NELL1: variants seen among roughly 807,000 people sequenced by gnomAD.
The protein encoded by NELL1 is neural EGFL like 1, also known as protein kinase C-binding protein NELL1.
NELL1 carries 76 observed loss-of-function variants against 107.4 expected under a neutral mutation model. The ratio of observed to expected loss-of-function variants is 0.71; its 90% CI spans 0.59 to 0.86. The LOEUF (loss-of-function observed/expected upper bound fraction) is 0.86, where lower values mean the gene tolerates loss of function less well. Among genes scored for constraint, NELL1 ranks in the 40% least tolerant of loss-of-function variants. The probability of loss-of-function intolerance (pLI) is 0.00; values close to 1 mark genes in which losing one functional copy is unlikely to be tolerated. For synonymous variants in NELL1, 353 were observed against 341.2 expected, an observed-to-expected ratio of 1.03 and a Z score of -0.38; for missense variants, 1,024 against 1,005.5, an observed-to-expected ratio of 1.02 and a Z score of -0.25.
intron 12 of NELL1, among the ~76,000 whole-genome samples, chr11:20,970,035 T>C (rs996494600): frequency 8.6e-6 from 1 of 116,480 alleles, no homozygotes; most frequent in Non-Finnish European, 1.8e-5. Flanking sequence ...CGTATATAAA[T>C]ATCTAATCTA....
intron 2 of NELL1, among the ~76,000 whole-genome samples, chr11:20,706,405 A>T (rs1008684135): frequency 4.6e-5 from 7 of 151,982 alleles, no homozygotes; most frequent in African/African-American, 1.7e-4. Context: ...ATTCTCAGCA[A>T]ACTATCACAA....
intron 15 of NELL1, among the ~76,000 whole-genome samples, chr11:21,516,088 A>T (rs1424642964): frequency 6.6e-6 from 1 of 152,184 alleles, no homozygotes; most frequent in Non-Finnish European, 1.5e-5. Context: ...GAAAGGGGCA[A>T]CTTTGCTTAT....
chr11:20,909,100 C>T (rs1333900217), intron 5 of NELL1, among the ~76,000 whole-genome samples: 4 of 152,062 alleles, frequency 2.6e-5, no homozygotes, highest in Admixed American at 6.6e-5. Context: ...TCTTTAATTC[C>T]ACTTATATGA....
intron 15 of NELL1, among the ~76,000 whole-genome samples, chr11:21,459,051 G>T (rs1853826418): frequency 6.6e-6 from 1 of 152,120 alleles, no homozygotes; most frequent in Non-Finnish European, 1.5e-5. Flanking sequence ...CTAGAAAATG[G>T]TGGATGTGAG....
chr11:21,086,865 T>C (rs575847495), intron 12 of NELL1, among the ~76,000 whole-genome samples: 1 of 133,726 alleles, frequency 7.5e-6, no homozygotes, highest in African/African-American at 2.8e-5. Flanking sequence ...GGAGTCTCAC[T>C]CTGTCGCCCA....
At chr11:21,304,568 G>T (rs74333131) in intron 14 of NELL1, among the ~76,000 whole-genome samples, 3 of 132,712 alleles carry the variant, frequency 2.3e-5, no homozygotes, top group African/African-American at 8.6e-5. Context: ...TCTTTTGTCT[G>T]TTTTTTTTTT....
At chr11:21,233,127 G>A (rs1858108431) in intron 14 of NELL1, among the ~76,000 whole-genome samples, 1 of 152,162 alleles carries the variant, frequency 6.6e-6, no homozygotes, top group Non-Finnish European at 1.5e-5. Context: ...CTCTCAGATG[G>A]GTTTCCGTGG....
intron 3 of NELL1, 43 bp from the exon 4 acceptor site, chr11:20,847,540 T>C (rs1368555597): frequency 6.3e-7 from 1 of 1,584,908 alleles, no homozygotes; most frequent in Non-Finnish European, 8.6e-7. Flanking sequence ...GGCTGTGATA[T>C]CCAGAACTAA....
At chr11:20,956,830 G>C (rs1851185029) in intron 11 of NELL1, among the ~76,000 whole-genome samples, 1 of 152,074 alleles carries the variant, frequency 6.6e-6, no homozygotes, top group Non-Finnish European at 1.5e-5. Context: ...TTTACTAAAA[G>C]TACTGATTTA....
chr11:21,554,728 AT>A (rs1856666336), intron 16 of NELL1, among the ~76,000 whole-genome samples: 1 of 151,808 alleles, frequency 6.6e-6, no homozygotes, highest in African/African-American at 2.4e-5. Context: ...TTTTATCTAC[AT>A]TTTTCTACAT....
intron 3 of NELL1, among the ~76,000 whole-genome samples, chr11:20,797,919 A>C (rs2133998465): frequency 6.6e-6 from 1 of 152,352 alleles, no homozygotes; most frequent in South Asian, 2.1e-4. Flanking sequence ...AATACAGAAA[A>C]GTAGAAAGGA....
At chr11:21,134,129 C>T (rs1175436959) in intron 13 of NELL1, among the ~76,000 whole-genome samples, 1 of 152,202 alleles carries the variant, frequency 6.6e-6, no homozygotes, top group African/African-American at 2.4e-5. Flanking sequence ...CTTTACATGA[C>T]TATTGTCATT....
At chr11:20,886,870 A>T (rs1849520175) in intron 5 of NELL1, among the ~76,000 whole-genome samples, 1 of 152,236 alleles carries the variant, frequency 6.6e-6, no homozygotes, top group African/African-American at 2.4e-5. Flanking sequence ...TAATTTACAT[A>T]CAGGAAAATT....
At chr11:21,229,677 G>A (rs538595303) in intron 14 of NELL1, among the ~76,000 whole-genome samples, 14 of 152,348 alleles carry the variant, frequency 9.2e-5, no homozygotes, top group African/African-American at 3.1e-4. Flanking sequence ...CAGGGACACA[G>A]TTACATAACT....
At chr11:21,360,110 T>C (rs1265080414) in intron 14 of NELL1, among the ~76,000 whole-genome samples, 1 of 152,172 alleles carries the variant, frequency 6.6e-6, no homozygotes, top group Non-Finnish European at 1.5e-5. Flanking sequence ...TTCAGACTTT[T>C]TGATGTAGGC....
chr11:20,749,378 T>C (rs555409373), intron 2 of NELL1, among the ~76,000 whole-genome samples: 2 of 152,252 alleles, frequency 1.3e-5, no homozygotes, highest in South Asian at 4.1e-4. Flanking sequence ...GGTCGGTGGA[T>C]GCTTGAGCCC....
At chr11:20,774,478 G>A (rs550754368) in intron 2 of NELL1, among the ~76,000 whole-genome samples, 5 of 150,288 alleles carry the variant, frequency 3.3e-5, no homozygotes, top group Admixed American at 2.7e-4. Flanking sequence ...GTTATCCTCC[G>A]TCTCAGCTTC....
chr11:21,004,414 A>G (rs1485206814), intron 12 of NELL1, among the ~76,000 whole-genome samples: 1 of 152,144 alleles, frequency 6.6e-6, no homozygotes, highest in Non-Finnish European at 1.5e-5. Context: ...TATGATTCTA[A>G]TATCATCCCC....
chr11:21,143,291 G>C (rs914765936), intron 13 of NELL1, among the ~76,000 whole-genome samples: 1 of 152,124 alleles, frequency 6.6e-6, no homozygotes, highest in Non-Finnish European at 1.5e-5. Context: ...ATTCTTCTTA[G>C]GAATTTTTGC....
Sources: gnomAD v4.1 joint callset for allele counts (sites outside exome capture counted in the v4.1 genomes callset) on GRCh38, gnomAD v4.1.1 for gene constraint, MANE v1.5 for transcripts, NCBI Gene and HGNC (gene_info 2026-07-23, HGNC 2026-07-21) for gene names.